The following TNFRSF19 variants were observed in gnomAD, a reference collection of about 807,000 sequenced individuals.
The protein encoded by TNFRSF19 is TNF receptor superfamily member 19, also known as tumor necrosis factor receptor superfamily member 19.
TNFRSF19 carries 27 observed loss-of-function variants against 46.4 expected under a neutral mutation model. The ratio of observed to expected loss-of-function variants is 0.58; its 90% confidence interval spans 0.43 to 0.80. The LOEUF (loss-of-function observed/expected upper bound fraction) is 0.80. TNFRSF19 is among the 30% of genes least tolerant of loss of function. TNFRSF19 has a pLI of 0.00. For missense variants in TNFRSF19, 511 were observed against 530.8 expected, an observed-to-expected ratio of 0.96 and a Z score of 0.37; for synonymous variants, 204 against 205.0, an observed-to-expected ratio of 1.00 and a Z score of 0.04.
intron 5 of TNFRSF19, among the ~76,000 whole-genome samples, chr13:23,655,143 G>A (rs961539535): frequency 6.6e-6 from 1 of 152,188 alleles, no homozygotes; most frequent in South Asian, 2.1e-4. Context: ...GGCAGATTTT[G>A]CTGGAGACCT....
chr13:23,624,881 G>T (rs1881890964), intron 4 of TNFRSF19, among the ~76,000 whole-genome samples: 1 of 151,680 alleles, frequency 6.6e-6, no homozygotes, highest in Admixed American at 6.6e-5. Flanking sequence ...CTCCTGAATA[G>T]CTGGGATTAT....
chr13:23,634,594 G>A (rs1211735643), intron 5 of TNFRSF19, among the ~76,000 whole-genome samples: 1 of 152,164 alleles, frequency 6.6e-6, no homozygotes, highest in Non-Finnish European at 1.5e-5. Context: ...GTGCATTGGT[G>A]GCCACACACA....
chr13:23,660,380 A>G lies in TNFRSF19; in HGVS notation c.626A>G (p.Gln209Arg). The change falls in exon 7 of 10, where the codon CAG becomes CGG. Residue 209 changes from glutamine (Q) to arginine (R), a missense_variant. Transcript: ENST00000248484. ...EKKPSWSLRSQDIQYNGSELS... is the reference protein window; with the variant it reads ...EKKPSWSLRSRDIQYNGSELS... ...CCTCATTTAGGGTCTCTGCGGTCAC[A>G]GGACATTCAGTACAACGGCTCTGAG... 6.2e-7 allele frequency: 1 copy of G among 1,613,814 alleles called. No homozygotes were observed. The highest frequency in any genetic ancestry group is 1.1e-5 in the South Asian group (1 of 91,036).
chr13:23,669,082 T>G lies in TNFRSF19; in HGVS notation c.1230T>G (p.Thr410=). 3.7e-6 allele frequency: 6 copies of G among 1,614,030 alleles called. No homozygotes were observed. The highest frequency in any genetic ancestry group is 5.1e-6 in the Non-Finnish European group (6 of 1,179,988). Residue 410 remains threonine (T), a synonymous_variant, in exon 9 of 10, where the codon ACT becomes ACG. Coordinates refer to ENST00000248484, the MANE Select transcript of TNFRSF19 (RefSeq NM_148957.4). The stretch of plus-strand genomic sequence containing the variant: ...GTGGTGCTGTCATCCACCCAGCCAC[T>G]CAGACGTCCCTCCAGGTAAGGCAGC... ...QESGAVIHPA[T]QTSLQEA
chr13:23,660,636 A>G (rs1884305251), intron 7 of TNFRSF19, 146 bp downstream of exon 7: 1 of 948,424 alleles, frequency 1.1e-6, no homozygotes, highest in Non-Finnish European at 1.4e-6. Flanking sequence ...ATTATTCTCC[A>G]CCATCTCCTG....
chr13:23,622,885 C>T (rs1286346540), intron 4 of TNFRSF19, among the ~76,000 whole-genome samples: 1 of 152,142 alleles, frequency 6.6e-6, no homozygotes, highest in Non-Finnish European at 1.5e-5. Flanking sequence ...TTTAGCAAGA[C>T]TTCTTAAAGA....
intron 3 of TNFRSF19, among the ~76,000 whole-genome samples, chr13:23,613,140 A>G (rs1033339916): frequency 6.6e-6 from 1 of 152,236 alleles, no homozygotes; most frequent in African/African-American, 2.4e-5. Flanking sequence ...GGGAAGCTTT[A>G]TGATTCTTGA....
At chr13:23,663,309 A>C (rs1042085561) in intron 7 of TNFRSF19, among the ~76,000 whole-genome samples, 1 of 152,112 alleles carries the variant, frequency 6.6e-6, no homozygotes, top group South Asian at 2.1e-4. Flanking sequence ...TTATGTGATG[A>C]ATCGCCTTTA....
chr13:23,642,392 T>TTA (rs1883081983), intron 5 of TNFRSF19, among the ~76,000 whole-genome samples: 1 of 152,240 alleles, frequency 6.6e-6, no homozygotes, highest in Non-Finnish European at 1.5e-5. Flanking sequence ...GTTTACTGTG[T>TTA]GCCAGGTTCC....
chr13:23,670,124 C>T (rs141411125), intron 9 of TNFRSF19, among the ~76,000 whole-genome samples: 22 of 152,288 alleles, frequency 1.4e-4, no homozygotes, highest in African/African-American at 2.6e-4. Context: ...AAAGTGTGAA[C>T]GCTGATATGT....
rs1351392324 is a variant in TNFRSF19 at position 23,667,754 on chromosome 13, TCCC to T, written c.737-222_737-220del. The stretch of plus-strand genomic sequence containing the variant: ...TCCCCATTGCTCCAGCCCCCTAGCA[TCCC>T]CCCTTCTTCATCTGTCTGTATGAGT... On this transcript the variant is annotated intron_variant, in intron 7 of 9. Coordinates refer to ENST00000248484, the MANE Select transcript of TNFRSF19 (RefSeq NM_148957.4). Among the ~76,000 whole-genome samples, 3 of 151,614 alleles carry T rather than the reference TCCC, an allele frequency of 2.0e-5. No homozygotes were observed. In the East Asian group the frequency reaches 5.8e-4, roughly 29 times the overall value.
intron 4 of TNFRSF19, among the ~76,000 whole-genome samples, chr13:23,617,953 C>T (rs767921464): frequency 1.7e-4 from 26 of 152,088 alleles, no homozygotes; most frequent in Admixed American, 6.6e-4. Flanking sequence ...GACCAGATGT[C>T]CCGGGGGTGG....
In TNFRSF19 at chr13:23,659,799, C is replaced by T. The variant is rs138530643; in HGVS notation, c.611-566C>T. On this transcript the variant is annotated intron_variant, in intron 6 of 9. Transcript: ENST00000248484. The surrounding 1 kb of genome is among the most constrained non-coding windows in gnomAD (Gnocchi z 4.9). ...AGATGACAGATGTGAGCCACTGCAC[C>T]GGCCTATTATATGTATTATGCCCTG... 4.0e-4 allele frequency among the ~76,000 whole-genome samples: 61 copies of T among 152,264 alleles called. No homozygotes were observed. The highest frequency in any genetic ancestry group is 6.5e-4 in the Admixed American group (10 of 15,292).
rs112966972 is a variant in TNFRSF19 at position 23,615,792 on chromosome 13, G to A, written c.181-75G>A. The A allele has an allele frequency of 5.3e-5, 75 of 1,428,392 alleles. 4 individuals carry two copies. In the African/African-American group the frequency reaches 5.6e-4, roughly 11 times the overall value. The allele number at this position is 1,428,392 out of a possible 1,614,324, so 88.5% of individuals were successfully genotyped here. A position where few individuals can be genotyped will look rare whatever the true frequency, so the allele number is the denominator to read the frequency against. The stretch of plus-strand genomic sequence containing the variant: ...TTGGTAATTATTAGACCAGGTCTTC[G>A]TTTCATCCTAGCGGTCTTTCCTTTT... On this transcript the variant is annotated intron_variant, in intron 3 of 9. Coordinates refer to ENST00000248484, the MANE Select transcript of TNFRSF19 (RefSeq NM_148957.4).
At chr13:23,577,512 A>C (rs1878042164) in intron 1 of TNFRSF19, among the ~76,000 whole-genome samples, 3 of 152,240 alleles carry the variant, frequency 2.0e-5, no homozygotes, top group Admixed American at 1.3e-4. Flanking sequence ...TTGAAGAAGA[A>C]AGTTAGTACA....
Position 23,648,616 on chromosome 13 carries a change from A to C in TNFRSF19, c.446-10434A>C, listed in dbSNP as rs1407558057. On this transcript the variant is annotated intron_variant, in intron 5 of 9. Transcript: ENST00000248484. The stretch of plus-strand genomic sequence containing the variant: ...AATTTCTCTGGCTAGGATTTCCAGT[A>C]CTATATTAAGTAGAATTGGTAAAAG... Among the ~76,000 whole-genome samples, 5 of 152,270 alleles carry C rather than the reference A, an allele frequency of 3.3e-5. No homozygotes were observed. The East Asian group carries it at 9.6e-4, about 29-fold the overall frequency.
At chr13:23,577,704 AG>A (rs1346108041) in intron 1 of TNFRSF19, among the ~76,000 whole-genome samples, 1 of 152,216 alleles carries the variant, frequency 6.6e-6, no homozygotes, top group Admixed American at 6.5e-5. Context: ...GAGCACGAAG[AG>A]GAAGTAGAGA....
At chr13:23,575,168 GAGA>G (rs1045045312) in intron 1 of TNFRSF19, among the ~76,000 whole-genome samples, 10 of 152,340 alleles carry the variant, frequency 6.6e-5, no homozygotes, top group Admixed American at 5.2e-4. Flanking sequence ...TCAGGAAGGA[GAGA>G]AGGAGAGTCA....
intron 2 of TNFRSF19, among the ~76,000 whole-genome samples, chr13:23,592,451 T>C (rs962349080): frequency 1.3e-5 from 2 of 152,188 alleles, no homozygotes; most frequent in African/African-American, 2.4e-5. Context: ...GAGAACTTGT[T>C]GTTTTCAGAA....
Sources: allele counts gnomAD v4.1 joint callset (sites outside exome capture counted in the v4.1 genomes callset), GRCh38; gene constraint gnomAD v4.1.1; non-coding constraint Gnocchi (gnomAD v3.1); transcripts MANE v1.5; gene names NCBI Gene and HGNC (gene_info 2026-07-23, HGNC 2026-07-21).